The following FBXO30 variants were observed in gnomAD, a reference collection of about 807,000 sequenced individuals.
FBXO30 encodes F-box protein 30.
A neutral mutation model predicts 58.1 loss-of-function variants in FBXO30; 21 were observed. The observed-to-expected ratio is 0.36, with a 90% CI of 0.26 to 0.52. FBXO30 has a LOEUF of 0.52. Among genes scored for constraint, FBXO30 ranks in the 20% least tolerant of loss-of-function variants. The pLI, the probability that FBXO30 is intolerant of heterozygous loss-of-function variation, is 0.93. For missense variants in FBXO30, 744 were observed against 897.3 expected (o/e 0.83, Z 2.18); for synonymous variants, 309 against 312.4 (o/e 0.99, Z 0.11).
At chr6:145,800,796 T>C (rs1412858952) in intron 2 of FBXO30, among the ~76,000 whole-genome samples, 1 of 152,134 alleles carries the variant, frequency 6.6e-6, no homozygotes, top group Non-Finnish European at 1.5e-5. Flanking sequence ...CCTAGAATAT[T>C]GTGTGCCAAG....
Position 145,795,150 on chromosome 6 carries a change from GA to G in FBXO30, c.*4955del, listed in dbSNP as rs1488892746. ...AACTCTAGTCAGTCTCTCTGTCAAAGAATAAACAAATAGATCAACCTATTTG... is the reference window on the plus strand; with the variant it reads ...AACTCTAGTCAGTCTCTCTGTCAAAGATAAACAAATAGATCAACCTATTTG... On this transcript the variant is annotated 3_prime_UTR_variant, in exon 3 of 3. Coordinates refer to ENST00000237281, the MANE Select transcript of FBXO30 (RefSeq NM_032145.5). 6.6e-6 allele frequency: 1 copy of G among 151,706 alleles called. No individual in the cohort carries two copies. The highest frequency in any genetic ancestry group is 1.5e-5 in the Non-Finnish European group (1 of 67,750). 9.4% of individuals were successfully genotyped at this position (151,706 alleles called of 1,614,324 possible).
At chr6:145,810,481 T>A (rs572177753) in intron 1 of FBXO30, among the ~76,000 whole-genome samples, 92 of 152,322 alleles carry the variant, frequency 6.0e-4, no homozygotes, top group African/African-American at 2.1e-3. Flanking sequence ...AGAAAACAAC[T>A]AACATCTCTA....
rs186844228 is a variant in FBXO30, at chr6:145,808,026, G to A, written c.-16-1605C>T. ...ATGCACCTGTAGTCCCAACTACTTG[G>A]GAGGCCAAGGCAGGAGGCTCAAATG... On this transcript the variant is annotated intron_variant, in intron 1 of 2. Transcript: ENST00000237281. Among the ~76,000 whole-genome samples, 579 of 152,068 alleles carry A rather than the reference G, an allele frequency of 3.8e-3. 4 individuals are homozygous for A. Among genetic ancestry groups the A allele is most frequent in the Middle Eastern group, 0.02 (6 of 294 alleles).
At chr6:145,814,530 GC>G (rs1778443605) in intron 1 of FBXO30, 72 bp downstream of exon 1, 1 of 151,726 alleles carries the variant, frequency 6.6e-6, no homozygotes. Context: ...GCCTCAAACT[GC>G]CCGGCCGCTG....
At chr6:145,814,167 T>A (rs745864280) in intron 1 of FBXO30, among the ~76,000 whole-genome samples, 5 of 152,194 alleles carry the variant, frequency 3.3e-5, no homozygotes, top group Non-Finnish European at 7.4e-5. Flanking sequence ...CTCCCCAGTC[T>A]TACTTTAAGC....
intron 1 of FBXO30, among the ~76,000 whole-genome samples, chr6:145,812,954 CT>C (rs1444849753): frequency 6.6e-6 from 1 of 152,116 alleles, no homozygotes; most frequent in Non-Finnish European, 1.5e-5. Context: ...GTACTAACTC[CT>C]TCTATCAAAT....
intron 1 of FBXO30, among the ~76,000 whole-genome samples, chr6:145,807,490 T>C (rs1305280372): frequency 6.6e-6 from 1 of 152,186 alleles, no homozygotes; most frequent in Non-Finnish European, 1.5e-5. Context: ...CAGGTATCTG[T>C]AAGAGATGAG....
chr6:145,802,335 T>A (rs1778026718), intron 2 of FBXO30, among the ~76,000 whole-genome samples: 1 of 152,132 alleles, frequency 6.6e-6, no homozygotes, highest in South Asian at 2.1e-4. Context: ...GCCAGCTTAA[T>A]TAACCTCTGT....
At chr6:145,803,550 A>G (rs998421506) in intron 2 of FBXO30, among the ~76,000 whole-genome samples, 1 of 152,150 alleles carries the variant, frequency 6.6e-6, no homozygotes, top group Admixed American at 6.5e-5. Flanking sequence ...GTTTCATATT[A>G]TAAGTGTTCA....
intron 1 of FBXO30, among the ~76,000 whole-genome samples, chr6:145,807,447 TC>T (rs1233074388): frequency 2.0e-5 from 3 of 152,166 alleles, no homozygotes; most frequent in Non-Finnish European, 2.9e-5. Context: ...AACCTCAAGT[TC>T]CCTAGTATTG....
chr6:145,810,954 T>C (rs1180719056), intron 1 of FBXO30, among the ~76,000 whole-genome samples: 1 of 152,144 alleles, frequency 6.6e-6, no homozygotes, highest in East Asian at 1.9e-4. Context: ...ACCTGTTACT[T>C]TTCCACATAC....
At chr6:145,812,709 G>A (rs1256097674) in intron 1 of FBXO30, among the ~76,000 whole-genome samples, 1 of 151,996 alleles carries the variant, frequency 6.6e-6, no homozygotes, top group East Asian at 1.9e-4. Context: ...ATCATATGAA[G>A]AACTACCTAG....
rs1777930188 is a variant in FBXO30 at position 145,799,377 on chromosome 6, T to A, written c.*729A>T. The A allele has an allele frequency of 6.6e-6, 1 of 152,302 alleles. No individual in the cohort carries two copies. The highest frequency in any genetic ancestry group is 6.6e-5 in the Admixed American group (1 of 15,242). 9.4% of individuals were successfully genotyped at this position (152,302 alleles called of 1,614,324 possible). ...AGGAGCAGTTTCAAATTAAATTATA[T>A]TCACAGGCTTGCTTTTTGTTTGTTT... On this transcript the variant is annotated 3_prime_UTR_variant, in exon 3 of 3. Transcript: ENST00000237281.
rs1177267736 is a variant in FBXO30, at chr6:145,799,390, T to C, written c.*716A>G. ...AATTAAATTATATTCACAGGCTTGCTTTTTGTTTGTTTTTGCTTTGTCCTG... is the reference window on the plus strand; with the variant it reads ...AATTAAATTATATTCACAGGCTTGCCTTTTGTTTGTTTTTGCTTTGTCCTG... On this transcript the variant is annotated 3_prime_UTR_variant, in exon 3 of 3. Transcript: ENST00000237281. 6.6e-6 allele frequency: 1 copy of C among 152,252 alleles called. No homozygotes were observed. The highest frequency in any genetic ancestry group is 1.9e-4 in the East Asian group (1 of 5,198). The allele number at this position is 152,252 out of a possible 1,614,324, so 9.4% of individuals were successfully genotyped here.
At chr6:145,813,544 T>C (rs1778393854) in intron 1 of FBXO30, among the ~76,000 whole-genome samples, 1 of 152,208 alleles carries the variant, frequency 6.6e-6, no homozygotes, top group Admixed American at 6.5e-5. Flanking sequence ...CCTTTTGCCA[T>C]GTCAACAATT....
Position 145,805,606 on chromosome 6 carries a change from C to T in FBXO30, c.800G>A (p.Ser267Asn). 1 of 1,613,984 alleles carries T rather than the reference C, an allele frequency of 6.2e-7. No individual in the cohort carries two copies. Among genetic ancestry groups the T allele is most frequent in the Non-Finnish European group, 8.5e-7 (1 of 1,179,942 alleles). ...TGTATTCAAGTCACATAATAAATCACTTGAACCATTTTGTTCAGACTGGGC... is the reference window on the plus strand; with the variant it reads ...TGTATTCAAGTCACATAATAAATCATTTGAACCATTTTGTTCAGACTGGGC... ...QNAQSEQNGS[S>N]DLLCDLNTSS... The change falls in exon 2 of 3, where the codon AGT (serine) becomes AAT (asparagine). Residue 267 changes from serine to asparagine, a missense_variant. Ser to Asn is a conservative substitution (Grantham distance 46). This residue lies in a region of FBXO30 where 275 missense variants were observed against 262.0 expected (regional missense o/e 1.05). Transcript: ENST00000237281.
In FBXO30 at chr6:145,811,427, A is replaced by C. The variant is rs557915141; in HGVS notation, c.-17+3176T>G. 1.8e-3 allele frequency among the ~76,000 whole-genome samples: 272 copies of C among 152,354 alleles called. 1 individual carries two copies. The highest frequency in any genetic ancestry group is 6.2e-3 in the African/African-American group (259 of 41,586). Reference sequence around the variant, plus strand: ...GTAGGACGAATCATCTATCAAAAAAAGCAAATCAAAGAAAGTCAGTTTCAA... The same window carrying C: ...GTAGGACGAATCATCTATCAAAAAACGCAAATCAAAGAAAGTCAGTTTCAA... On this transcript the variant is annotated intron_variant, in intron 1 of 2. Transcript: ENST00000237281.
intron 1 of FBXO30, among the ~76,000 whole-genome samples, chr6:145,811,297 A>G (rs113312532): frequency 6.2e-4 from 94 of 152,358 alleles, no homozygotes; most frequent in African/African-American, 2.1e-3. Flanking sequence ...TCTGGCATCA[A>G]TCAAACTGAA....
At position 145,797,520 on chromosome 6, in the gene FBXO30, A is replaced by G. The variant is rs1777887983; in HGVS notation, c.*2586T>C. 6.6e-6 allele frequency: 1 copy of G among 151,982 alleles called. No individual in the cohort carries two copies. Among genetic ancestry groups the G allele is most frequent in the African/African-American group, 2.4e-5 (1 of 41,396 alleles). 9.4% of individuals were successfully genotyped at this position (151,982 alleles called of 1,614,324 possible). ...TTGTTAAAACAGATTGTTGGGTCCCACCCCAGAGTTCCTGATTCACTAAGT... is the reference window on the plus strand; with the variant it reads ...TTGTTAAAACAGATTGTTGGGTCCCGCCCCAGAGTTCCTGATTCACTAAGT... On this transcript the variant is annotated 3_prime_UTR_variant, in exon 3 of 3. Coordinates refer to ENST00000237281, the MANE Select transcript of FBXO30 (RefSeq NM_032145.5).
Sources: gnomAD v4.1 joint callset for allele counts (sites outside exome capture counted in the v4.1 genomes callset) on GRCh38, gnomAD v4.1.1 for gene constraint, gnomAD v4.1.1 regional missense constraint, MANE v1.5 for transcripts, NCBI Gene and HGNC (gene_info 2026-07-23, HGNC 2026-07-21) for gene names.